EVI5: variants seen among roughly 807,000 people sequenced by gnomAD.
EVI5 encodes the protein ecotropic viral integration site 5, also known as ecotropic viral integration site 5 protein homolog.
Under a neutral mutation model 112.0 loss-of-function variants are expected in EVI5, and 73 were observed. The observed-to-expected ratio is 0.65, with a 90% CI of 0.54 to 0.79. The LOEUF (loss-of-function observed/expected upper bound fraction) is 0.79, where lower values mean the gene tolerates loss of function less well. EVI5 is among the 30% of genes least tolerant of loss of function. The pLI, the probability that EVI5 is intolerant of heterozygous loss-of-function variation, is 0.00. For missense variants in EVI5, 900 were observed against 968.8 expected, an observed-to-expected ratio of 0.93 and a Z score of 0.94; for synonymous variants, 305 against 319.9, an observed-to-expected ratio of 0.95 and a Z score of 0.50.
intron 18 of EVI5, among the ~76,000 whole-genome samples, chr1:92,583,150 A>G (rs537806839): frequency 6.6e-6 from 1 of 152,178 alleles, no homozygotes; most frequent in Non-Finnish European, 1.5e-5. Flanking sequence ...ATTCCAGAGT[A>G]TAAATATACT....
At chr1:92,536,806 T>C (rs1309156138) in intron 19 of EVI5, among the ~76,000 whole-genome samples, 1 of 152,176 alleles carries the variant, frequency 6.6e-6, no homozygotes, top group Non-Finnish European at 1.5e-5. Context: ...GTGTGTCTGC[T>C]TTCTTTTAGC....
chr1:92,566,802 GCTT>G (rs1196254151), intron 18 of EVI5, among the ~76,000 whole-genome samples: 20 of 123,192 alleles, frequency 1.6e-4, no homozygotes, highest in Admixed American at 1.3e-3. Context: ...GTGTGTGCCT[GCTT>G]TTTTTTTTTT....
intron 1 of EVI5, among the ~76,000 whole-genome samples, chr1:92,764,125 T>C (rs1682276392): frequency 6.6e-6 from 1 of 152,224 alleles, no homozygotes; most frequent in Non-Finnish European, 1.5e-5. Context: ...AATACATATT[T>C]ATATTCACTG....
chr1:92,724,869 T>G (rs1675315942), intron 2 of EVI5, among the ~76,000 whole-genome samples: 1 of 152,098 alleles, frequency 6.6e-6, no homozygotes, highest in African/African-American at 2.4e-5. Context: ...TGGAGAAGAA[T>G]TCCTGAGACT....
chr1:92,583,736 T>C (rs2101118575), intron 18 of EVI5, among the ~76,000 whole-genome samples: 2 of 149,854 alleles, frequency 1.3e-5, no homozygotes, highest in African/African-American at 4.9e-5. Context: ...TCTCTCTCTT[T>C]TTTTTTTTTT....
rs1553258932 is a variant in EVI5, at chr1:92,733,420, T to TA, written c.149+2977dup. ...TACATTATCATCTTTTTTTTTTTTT[T>TA]AAATGAGACGGACTCTTACTCCATA... On this transcript the variant is annotated intron_variant, in intron 2 of 19. Coordinates refer to ENST00000684568, the MANE Select transcript of EVI5 (RefSeq NM_001350197.2). Among the ~76,000 whole-genome samples the TA allele has an allele frequency of 4.5e-3, 685 of 151,658 alleles. 4 individuals carry two copies. The highest frequency in any genetic ancestry group is 0.016 in the African/African-American group (664 of 41,334).
intron 1 of EVI5, among the ~76,000 whole-genome samples, chr1:92,740,861 T>C (rs1678264223): frequency 6.6e-6 from 1 of 152,180 alleles, no homozygotes; most frequent in African/African-American, 2.4e-5. Context: ...TATGGCAGTC[T>C]TAGACTTAGT....
chr1:92,532,106 T>C (rs1478839229), intron 19 of EVI5, among the ~76,000 whole-genome samples: 1 of 50,814 alleles, frequency 2.0e-5, no homozygotes, highest in Non-Finnish European at 3.4e-5. Context: ...ACCAAGCAAA[T>C]GGAAAGCAAA....
At chr1:92,647,748 G>A (rs1661236943) in intron 13 of EVI5, 2 of 177,850 alleles carry the variant, frequency 1.1e-5, no homozygotes, top group South Asian at 2.7e-4. Flanking sequence ...CATTTTTTGA[G>A]GGGGTGGGGG....
chr1:92,693,362 G>A (rs982503888), intron 9 of EVI5, among the ~76,000 whole-genome samples: 1 of 151,972 alleles, frequency 6.6e-6, no homozygotes, highest in Non-Finnish European at 1.5e-5. Flanking sequence ...CTCCAGCCTG[G>A]GTGACAGAGC....
In EVI5 at chr1:92,747,739, A is replaced by C. The variant is rs1679522237; in HGVS notation, c.-81-11112T>G. Among the ~76,000 whole-genome samples, 2 of 149,198 alleles carry C rather than the reference A, an allele frequency of 1.3e-5. 1 individual carries two copies. Among genetic ancestry groups the C allele is most frequent in the African/African-American group, 4.9e-5 (2 of 40,500 alleles). On this transcript the variant is annotated intron_variant, in intron 1 of 19. Coordinates refer to ENST00000684568, the MANE Select transcript of EVI5 (RefSeq NM_001350197.2). ...ACCAAAAAAAAAAACAAAAAAAAAA[A>C]CCACCCAGAAATGTATTGTCTCACA...
At chr1:92,524,525 A>G (rs1211256573) in intron 19 of EVI5, among the ~76,000 whole-genome samples, 3 of 152,346 alleles carry the variant, frequency 2.0e-5, no homozygotes, top group African/African-American at 7.2e-5. Flanking sequence ...TTTGGGGTTT[A>G]CAGACACCTT....
At chr1:92,594,067 C>T (rs1674486746) in intron 18 of EVI5, among the ~76,000 whole-genome samples, 1 of 150,796 alleles carries the variant, frequency 6.6e-6, no homozygotes, top group Admixed American at 6.6e-5. Flanking sequence ...CTGGAAAAAA[C>T]TAAAGTTCAT....
Position 92,661,137 on chromosome 1 carries a change from C to T in EVI5, c.1392+1582G>A, listed in dbSNP as rs185288019. On this transcript the variant is annotated intron_variant, in intron 13 of 19. Transcript: ENST00000684568. ...GCTCTTTATATCATATAAATTGCCACTATTTGGCAGTAGGGAGTGGTGGCG... is the reference window on the plus strand; with the variant it reads ...GCTCTTTATATCATATAAATTGCCATTATTTGGCAGTAGGGAGTGGTGGCG... Among the ~76,000 whole-genome samples the T allele has an allele frequency of 5.9e-5, 9 of 152,088 alleles. No homozygotes were observed. The East Asian group carries it at 1.7e-3, about 29-fold the overall frequency.
In EVI5 at chr1:92,654,710, T is replaced by G. The variant is rs190909612; in HGVS notation, c.1392+8009A>C. Among the ~76,000 whole-genome samples the G allele has an allele frequency of 2.6e-3, 399 of 152,158 alleles. 1 individual carries two copies. Among genetic ancestry groups the G allele is most frequent in the Non-Finnish European group, 4.5e-3 (307 of 67,972 alleles). ...ATCTCTGAAATACCATATAAAGAAT[T>G]AAAAATACTGATTTCCAAGAAGCTC... On this transcript the variant is annotated intron_variant, in intron 13 of 19. Coordinates refer to ENST00000684568, the MANE Select transcript of EVI5 (RefSeq NM_001350197.2).
intron 2 of EVI5, among the ~76,000 whole-genome samples, chr1:92,727,982 C>T (rs1299418406): frequency 2.7e-5 from 4 of 148,068 alleles, no homozygotes; most frequent in South Asian, 2.1e-4. Flanking sequence ...TGACAGAGTG[C>T]GACCCTGTCT....
At chr1:92,692,921 G>A (rs1165632793) in intron 9 of EVI5, among the ~76,000 whole-genome samples, 2 of 152,140 alleles carry the variant, frequency 1.3e-5, no homozygotes, top group Non-Finnish European at 2.9e-5. Flanking sequence ...ATTAAGTACT[G>A]GAAGCTAGAG....
rs975038156 is a variant in EVI5 at position 92,589,842 on chromosome 1, T to C, written c.2070+15465A>G. ...CTCAAGTGGGGCCCTGACCCCTGAG[T>C]AGCCTAACTGAGAGGCACCCCCCCG... On this transcript the variant is annotated intron_variant, in intron 18 of 19. Coordinates refer to ENST00000684568, the MANE Select transcript of EVI5 (RefSeq NM_001350197.2). Among the ~76,000 whole-genome samples, 96 of 152,146 alleles carry C rather than the reference T, an allele frequency of 6.3e-4. 1 individual carries two copies. Among genetic ancestry groups the C allele is most frequent in the Non-Finnish European group, 3.8e-4 (26 of 67,982 alleles).
chr1:92,604,809 G>A (rs1296269322), intron 18 of EVI5, among the ~76,000 whole-genome samples: 1 of 152,156 alleles, frequency 6.6e-6, no homozygotes, highest in Non-Finnish European at 1.5e-5. Context: ...GATGGCTATA[G>A]TCACTAGGCA....
Sources: allele counts gnomAD v4.1 joint callset (sites outside exome capture counted in the v4.1 genomes callset), GRCh38; gene constraint gnomAD v4.1.1; transcripts MANE v1.5; gene names NCBI Gene and HGNC (gene_info 2026-07-23, HGNC 2026-07-21).